Variants in LUZP4 observed in about 807,000 individuals in gnomAD.
The protein encoded by LUZP4 is leucine zipper protein 4, also known as HOM-TES-85 tumor antigen.
A neutral mutation model predicts 8.5 loss-of-function variants in LUZP4; 11 were observed. That is an observed-to-expected ratio of 1.30 (90% CI 0.82 to 2.14). The LOEUF (loss-of-function observed/expected upper bound fraction) is 2.14. Among genes scored for constraint, LUZP4 ranks in the 30% most tolerant of loss-of-function variants. LUZP4 has a pLI of 0.00. For missense variants in LUZP4, 276 were observed against 229.7 expected (o/e 1.20, Z -1.30); for synonymous variants, 104 against 79.4 (o/e 1.31, Z -1.65).
chrX:115,293,176 C>T (rs1236328426), intron 1 of LUZP4, among the ~76,000 whole-genome samples: 9 of 111,647 alleles, frequency 8.1e-5, no homozygotes, highest in African/African-American at 2.9e-4. Context: ...CTACAGCCAT[C>T]TGTCTGGCCA....
intron 1 of LUZP4, among the ~76,000 whole-genome samples, chrX:115,298,802 G>C (rs1556600194): frequency 9.0e-6 from 1 of 111,573 alleles, no homozygotes; most frequent in Non-Finnish European, 1.9e-5. Flanking sequence ...CGTCCTTAGT[G>C]CCTTATTTAG....
At position 115,307,249 on chromosome X, in the gene LUZP4, A is replaced by G. The variant is rs1569520669; in HGVS notation, c.*445A>G. The G allele has an allele frequency of 7.3e-6, 1 of 136,342 alleles. No individual in the cohort carries two copies. Among genetic ancestry groups the G allele is most frequent in the East Asian group, 1.7e-4 (1 of 5,963 alleles). 11.2% of individuals were successfully genotyped at this position (136,342 alleles called of 1,213,427 possible). A position where few individuals can be genotyped will look rare whatever the true frequency, so the allele number is the denominator to read the frequency against. On this transcript the variant is annotated 3_prime_UTR_variant, in exon 4 of 4. Coordinates refer to ENST00000371920, the MANE Select transcript of LUZP4 (RefSeq NM_016383.5). ...AATATCTCTTTTGTGTCTCCTTCCT[A>G]AGCCATCCTCAGAGAGTCCTTAGCA...
At chrX:115,295,369 G>A (rs1009332647) in intron 1 of LUZP4, among the ~76,000 whole-genome samples, 1 of 112,354 alleles carries the variant, frequency 8.9e-6, no homozygotes, top group Non-Finnish European at 1.9e-5. Flanking sequence ...GTGAGCCACC[G>A]TGCCAGGCTG....
chrX:115,296,966 G>A (rs954108506), intron 1 of LUZP4, among the ~76,000 whole-genome samples: 5 of 110,848 alleles, frequency 4.5e-5, no homozygotes, highest in Non-Finnish European at 7.6e-5. Flanking sequence ...AATTTTTGTG[G>A]GTATATAGTA....
chrX:115,299,842 C>G (rs62600465), intron 1 of LUZP4, among the ~76,000 whole-genome samples: 15,162 of 111,311 alleles, frequency 0.14, 1,026 homozygotes, highest in Non-Finnish European at 0.2. Flanking sequence ...CCAAGGCTCT[C>G]AACATAGTAC....
intron 1 of LUZP4, among the ~76,000 whole-genome samples, chrX:115,301,582 A>T (rs1451524373): frequency 8.9e-6 from 1 of 112,378 alleles, no homozygotes; most frequent in East Asian, 2.8e-4. Context: ...TCAGATAGAC[A>T]TTTAATGGTC....
intron 1 of LUZP4, among the ~76,000 whole-genome samples, chrX:115,298,548 A>G (rs1556600125): frequency 8.9e-6 from 1 of 112,281 alleles, no homozygotes; most frequent in Non-Finnish European, 1.9e-5. Context: ...AAGCTCACTA[A>G]TTCTTTATTT....
chrX:115,301,472 C>T (rs1556601535), intron 1 of LUZP4, among the ~76,000 whole-genome samples: 1 of 112,143 alleles, frequency 8.9e-6, no homozygotes, highest in Non-Finnish European at 1.9e-5. Context: ...TCTGTGGTGT[C>T]TTCTATGAAC....
intron 1 of LUZP4, among the ~76,000 whole-genome samples, chrX:115,293,099 A>C (rs1037980995): frequency 3.6e-5 from 4 of 109,925 alleles, no homozygotes; most frequent in African/African-American, 6.6e-5. Context: ...AGGAGTCACA[A>C]AAAAAAAATT....
At position 115,303,356 on chromosome X, in the gene LUZP4, C is replaced by A; in HGVS notation, c.280C>A (p.Gln94Lys). 8.3e-7 allele frequency: 1 copy of A among 1,200,408 alleles called. No homozygotes were observed. Among genetic ancestry groups the A allele is most frequent in the South Asian group, 1.8e-5 (1 of 54,216 alleles). Residue 94 changes from glutamine to lysine, a missense_variant, in exon 3 of 4, where the codon CAA becomes AAA. Physicochemically the swap from Gln to Lys is moderately conservative, Grantham distance 53 (BLOSUM62 1). Transcript: ENST00000371920. The part of the protein sequence containing the change: ...EEGNHDKKPS[Q>K]KPSGFKSGQH... ...AGGAAATCATGATAAAAAACCATCC[C>A]AAAAACCTTCTGGATTCAAGTCTGG...
At chrX:115,295,572 T>C (rs1410410961) in intron 1 of LUZP4, among the ~76,000 whole-genome samples, 3 of 111,922 alleles carry the variant, frequency 2.7e-5, no homozygotes, top group African/African-American at 9.7e-5. Flanking sequence ...AAAGCAGTAG[T>C]ATGTTGGATG....
chrX:115,290,475 C>G (rs2073344036), intron 1 of LUZP4, among the ~76,000 whole-genome samples: 1 of 111,472 alleles, frequency 9.0e-6, no homozygotes, highest in Admixed American at 9.5e-5. Flanking sequence ...AGTCTCTAAC[C>G]TGAGACCTCT....
At chrX:115,300,986 T>C (rs782569140) in intron 1 of LUZP4, among the ~76,000 whole-genome samples, 3 of 110,981 alleles carry the variant, frequency 2.7e-5, no homozygotes, top group Non-Finnish European at 3.8e-5. Flanking sequence ...TGGAGGCTTC[T>C]ATTCTGCCAT....
In LUZP4 at chrX:115,306,571, G is replaced by T; in HGVS notation, c.709G>T (p.Asp237Tyr). Residue 237 changes from aspartate to tyrosine, a missense_variant, in exon 4 of 4, where the codon GAT becomes TAT. Physicochemically the swap from Asp to Tyr is radical, Grantham distance 160 (BLOSUM62 -3). Transcript: ENST00000371920. The part of the protein sequence containing the change: ...GHSKRSRSQG[D>Y]LVDTQSDLIA... The stretch of plus-strand genomic sequence containing the variant: ...CTCAAAGAGATCTCGTAGCCAGGGA[G>T]ATCTTGTGGACACTCAGAGTGATCT... 1 of 1,209,381 alleles carries T rather than the reference G, an allele frequency of 8.3e-7. No individual in the cohort carries two copies. Among genetic ancestry groups the T allele is most frequent in the Non-Finnish European group, 1.1e-6 (1 of 895,256 alleles).
chrX:115,297,229 AGTT>A (rs1431903662), intron 1 of LUZP4, among the ~76,000 whole-genome samples: 3 of 111,892 alleles, frequency 2.7e-5, no homozygotes, highest in African/African-American at 9.7e-5. Context: ...TGTATTGAAA[AGTT>A]GTTGTAGTTA....
intron 1 of LUZP4, among the ~76,000 whole-genome samples, chrX:115,299,024 T>C (rs781965114): frequency 1.8e-5 from 2 of 112,000 alleles, no homozygotes; most frequent in East Asian, 5.7e-4. Flanking sequence ...GCAAGCCCAG[T>C]AACGCTATGG....
At chrX:115,304,856 A>G (rs1270799615) in intron 3 of LUZP4, among the ~76,000 whole-genome samples, 1 of 111,753 alleles carries the variant, frequency 8.9e-6, no homozygotes, top group Non-Finnish European at 1.9e-5. Context: ...TATTTCACCA[A>G]TAAATTGAAT....
At chrX:115,302,343 G>T (rs1001380762) in intron 2 of LUZP4, among the ~76,000 whole-genome samples, 8 of 112,032 alleles carry the variant, frequency 7.1e-5, no homozygotes, top group African/African-American at 2.3e-4. Context: ...TTCCCTAATG[G>T]AGAGTGGGAT....
At chrX:115,292,081 C>T (rs376170531) in intron 1 of LUZP4, among the ~76,000 whole-genome samples, 1 of 112,380 alleles carries the variant, frequency 8.9e-6, no homozygotes, top group Non-Finnish European at 1.9e-5. Flanking sequence ...CCACCTCACC[C>T]GGCCTAAACT....
Sources: gnomAD v4.1 joint callset for allele counts (sites outside exome capture counted in the v4.1 genomes callset) on GRCh38, gnomAD v4.1.1 for gene constraint, MANE v1.5 for transcripts, NCBI Gene and HGNC (gene_info 2026-07-23, HGNC 2026-07-21) for gene names.